PLEKHA8: variants seen among roughly 807,000 people sequenced by gnomAD.
PLEKHA8 encodes the protein pleckstrin homology domain containing A8, also known as pleckstrin homology domain-containing family A member 8.
PLEKHA8 carries 36 observed loss-of-function variants against 68.2 expected under a neutral mutation model. The ratio of observed to expected loss-of-function variants is 0.53; its 90% CI spans 0.40 to 0.70. The LOEUF is 0.70. Among genes scored for constraint, PLEKHA8 ranks in the 30% least tolerant of loss-of-function variants. The pLI is 0.00. For missense variants in PLEKHA8, 505 were observed against 615.4 expected, an observed-to-expected ratio of 0.82 and a Z score of 1.90; for synonymous variants, 211 against 216.1, an observed-to-expected ratio of 0.98 and a Z score of 0.20.
chr7:30,052,279 G>A (rs1200428119), intron 6 of PLEKHA8, among the ~76,000 whole-genome samples: 3 of 152,184 alleles, frequency 2.0e-5, no homozygotes, highest in African/African-American at 7.2e-5. Flanking sequence ...AAGACTGGGA[G>A]GTTTGGCTTG....
At chr7:30,049,747 C>A (rs1200864559) in intron 5 of PLEKHA8, among the ~76,000 whole-genome samples, 1 of 152,186 alleles carries the variant, frequency 6.6e-6, no homozygotes, top group Non-Finnish European at 1.5e-5. Flanking sequence ...TCCAGTGGCT[C>A]CCTCATTGCC....
intron 13 of PLEKHA8, among the ~76,000 whole-genome samples, chr7:30,121,804 T>C (rs1359143295): frequency 1.3e-5 from 2 of 152,156 alleles, no homozygotes. Context: ...AACTAGCAAA[T>C]TGCTATTTCC....
Position 30,082,735 on chromosome 7 carries a change from G to GC in PLEKHA8, c.*3950dup. On this transcript the variant is annotated 3_prime_UTR_variant, in exon 14 of 14. Transcript: ENST00000449726. The stretch of plus-strand genomic sequence containing the variant: ...TAAATTTGAAGTGAGGGAAAGAGGA[G>GC]CCAAAGTAAGAGATTTTTTTTTAAG... 1.0e-6 allele frequency: 1 copy of GC among 985,156 alleles called. No homozygotes were observed. The highest frequency in any genetic ancestry group is 6.2e-5 in the Admixed American group (1 of 16,256). 61.0% of individuals were successfully genotyped at this position (985,156 alleles called of 1,614,324 possible).
chr7:30,115,362 C>T (rs1253217038), intron 13 of PLEKHA8, among the ~76,000 whole-genome samples: 1 of 152,108 alleles, frequency 6.6e-6, no homozygotes, highest in Non-Finnish European at 1.5e-5. Context: ...GCAAACTACT[C>T]ATTGTACCAC....
intron 9 of PLEKHA8, among the ~76,000 whole-genome samples, chr7:30,057,037 A>T (rs1374882547): frequency 6.6e-6 from 1 of 151,600 alleles, no homozygotes; most frequent in Non-Finnish European, 1.5e-5. Context: ...AATTTGCTTT[A>T]TGACCCATTT....
chr7:30,070,746 G>T lies in PLEKHA8; in HGVS notation c.1301-3325G>T, dbSNP rs62446714. 1.2e-4 allele frequency among the ~76,000 whole-genome samples: 18 copies of T among 152,010 alleles called. No individual in the cohort carries two copies. The East Asian group carries it at 3.3e-3, about 28-fold the overall frequency. On this transcript the variant is annotated intron_variant, in intron 12 of 13. Coordinates refer to ENST00000449726, the MANE Select transcript of PLEKHA8 (RefSeq NM_001197026.2). Reference sequence around the variant, plus strand: ...TTTTTAGTAGAGACAGGGTTTCACCGTCTTGTCCAGGCTGGTCTTGAGCTC... The same window carrying T: ...TTTTTAGTAGAGACAGGGTTTCACCTTCTTGTCCAGGCTGGTCTTGAGCTC...
rs765286741 is a variant in PLEKHA8, at chr7:30,080,508, A to C, written c.*1721A>C. 35 of 985,240 alleles carry C rather than the reference A, an allele frequency of 3.6e-5. No homozygotes were observed. The highest frequency in any genetic ancestry group is 1.2e-4 in the Admixed American group (2 of 16,244). The allele number at this position is 985,240 out of a possible 1,614,324, so 61.0% of individuals were successfully genotyped here. On this transcript the variant is annotated 3_prime_UTR_variant, in exon 14 of 14. Coordinates refer to ENST00000449726, the MANE Select transcript of PLEKHA8 (RefSeq NM_001197026.2). Reference sequence around the variant, plus strand: ...AGAGAATTCTCTCTTTAGTCAGAGAAGTTTATGTAGGGAGGGGTATTGGTT... The same window carrying C: ...AGAGAATTCTCTCTTTAGTCAGAGACGTTTATGTAGGGAGGGGTATTGGTT...
intron 9 of PLEKHA8, among the ~76,000 whole-genome samples, chr7:30,055,992 C>A (rs921547262): frequency 3.4e-5 from 5 of 147,422 alleles, no homozygotes; most frequent in Admixed American, 6.9e-5. Flanking sequence ...ACCCAGGCTG[C>A]AGTGCAGTGG....
intron 13 of PLEKHA8, among the ~76,000 whole-genome samples, chr7:30,123,064 C>G (rs1310779349): frequency 6.6e-6 from 1 of 152,110 alleles, no homozygotes; most frequent in African/African-American, 2.4e-5. Flanking sequence ...CTGTTATTGA[C>G]AACCAGAAGA....
downstream of PLEKHA8, among the ~76,000 whole-genome samples, chr7:30,085,943 G>C (rs1165150466): frequency 9.9e-5 from 15 of 152,172 alleles, no homozygotes; most frequent in Non-Finnish European, 1.3e-4. Flanking sequence ...TTGAAGGCTG[G>C]CTTCCCTTTC....
chr7:30,108,422 A>G (rs1307067254), intron 13 of PLEKHA8, among the ~76,000 whole-genome samples: 1 of 152,128 alleles, frequency 6.6e-6, no homozygotes, highest in East Asian at 1.9e-4. Context: ...TGTTTTAGAT[A>G]ATGATTATCT....
intron 13 of PLEKHA8, among the ~76,000 whole-genome samples, chr7:30,109,612 AAG>A (rs1562554311): frequency 1.9e-5 from 2 of 104,878 alleles, no homozygotes; most frequent in Non-Finnish European, 4.2e-5. Flanking sequence ...AAAAAAAAAA[AAG>A]AGAGAGAGAT....
At chr7:30,055,164 G>T (rs539210536) in intron 8 of PLEKHA8, 93 bp from the exon 9 acceptor site, 13 of 1,125,894 alleles carry the variant, frequency 1.2e-5, no homozygotes, top group Non-Finnish European at 1.8e-5. Flanking sequence ...TTGCCCTACA[G>T]AGAGGCAGCT....
intron 1 of PLEKHA8, among the ~76,000 whole-genome samples, chr7:30,043,738 A>G (rs574484069): frequency 1.3e-5 from 2 of 152,244 alleles, no homozygotes; most frequent in South Asian, 4.1e-4. Flanking sequence ...TTGTTCCATA[A>G]TCTTGGGCTG....
intron 12 of PLEKHA8, among the ~76,000 whole-genome samples, chr7:30,089,723 G>A (rs1391567169): frequency 1.3e-5 from 2 of 152,112 alleles, no homozygotes; most frequent in Admixed American, 6.6e-5. Context: ...GCTAGTCCAA[G>A]AAACAAAAGT....
chr7:30,096,725 A>G (rs547256397), intron 13 of PLEKHA8, among the ~76,000 whole-genome samples: 127 of 152,184 alleles, frequency 8.3e-4, no homozygotes, highest in African/African-American at 2.8e-3. Context: ...GTGTCTCTGC[A>G]TGTGAGATGG....
intron 3 of PLEKHA8, among the ~76,000 whole-genome samples, chr7:30,047,015 G>C (rs1241090137): frequency 6.6e-6 from 1 of 152,184 alleles, no homozygotes; most frequent in African/African-American, 2.4e-5. Context: ...CTGCCCCATG[G>C]CCCTAAATGT....
At position 30,081,730 on chromosome 7, in the gene PLEKHA8, A is replaced by G. The variant is rs768896800; in HGVS notation, c.*2943A>G. On this transcript the variant is annotated 3_prime_UTR_variant, in exon 14 of 14. Transcript: ENST00000449726. ...TAGAGAGAACTGGAAGAAAAAGGAAATTGGTCTACTAGGTATTGTAGACAC... is the reference window on the plus strand; with the variant it reads ...TAGAGAGAACTGGAAGAAAAAGGAAGTTGGTCTACTAGGTATTGTAGACAC... 1.1e-4 allele frequency: 112 copies of G among 985,254 alleles called. No homozygotes were observed. The highest frequency in any genetic ancestry group is 1.3e-4 in the Non-Finnish European group (110 of 829,894). 61.0% of individuals were successfully genotyped at this position (985,254 alleles called of 1,614,324 possible). A position where few individuals can be genotyped will look rare whatever the true frequency, so the allele number is the denominator to read the frequency against.
downstream of PLEKHA8, among the ~76,000 whole-genome samples, chr7:30,091,127 G>C (rs1795398880): frequency 6.6e-6 from 1 of 152,194 alleles, no homozygotes; most frequent in African/African-American, 2.4e-5. Context: ...TCCAGTCCGG[G>C]CAATACAGCA....
Sources: allele counts gnomAD v4.1 joint callset (sites outside exome capture counted in the v4.1 genomes callset), GRCh38; gene constraint gnomAD v4.1.1; transcripts MANE v1.5; gene names NCBI Gene and HGNC (gene_info 2026-07-23, HGNC 2026-07-21).